The following ATRX variants were observed in gnomAD, a reference collection of about 807,000 sequenced individuals.
ATRX encodes chromatin remodeler ATRX.
In ATRX, 12 loss-of-function variants were observed where a neutral mutation model predicts 172.6. The observed-to-expected ratio is 0.07, with a 90% confidence interval of 0.04 to 0.11. ATRX has a LOEUF of 0.11. Ranked by LOEUF, ATRX falls within the 10% of genes least tolerant of loss-of-function variation. The pLI is 1.00. For synonymous variants in ATRX, 674 were observed against 594.7 expected (o/e 1.13, Z -1.94); for missense variants, 1,368 against 1,767.4 (o/e 0.77, Z 4.05).
At chrX:77,619,350 T>G (rs2067488336) in intron 20 of ATRX, among the ~76,000 whole-genome samples, 1 of 111,353 alleles carries the variant, frequency 9.0e-6, no homozygotes, top group Non-Finnish European at 1.9e-5. Context: ...AGAAAGGAGA[T>G]ACTAAGTCAA....
intron 9 of ATRX, among the ~76,000 whole-genome samples, chrX:77,677,047 G>A (rs2070911091): frequency 9.1e-6 from 1 of 109,657 alleles, no homozygotes; most frequent in South Asian, 4.0e-4. Context: ...ACTTGAACCT[G>A]GGAGGCGGAG....
intron 10 of ATRX, among the ~76,000 whole-genome samples, chrX:77,671,167 A>ATATATAT (rs1557129938): frequency 1.2e-3 from 19 of 15,719 alleles, no homozygotes; most frequent in African/African-American, 3.6e-3. Flanking sequence ...AAAAAAAAAA[A>ATATATAT]ATATATATAT....
chrX:77,575,046 C>G (rs1368417190), intron 27 of ATRX, among the ~76,000 whole-genome samples: 11 of 109,745 alleles, frequency 1.0e-4, no homozygotes, highest in Non-Finnish European at 1.7e-4. Flanking sequence ...ACTAAAATAC[C>G]AAGAGATTAA....
intron 1 of ATRX, among the ~76,000 whole-genome samples, chrX:77,730,186 G>C (rs1057454698): frequency 1.8e-5 from 2 of 111,395 alleles, no homozygotes; most frequent in Non-Finnish European, 3.8e-5. Flanking sequence ...TGCAGAAGTG[G>C]CTATACTAAT....
At chrX:77,509,332 G>A (rs1274135292) in intron 34 of ATRX, among the ~76,000 whole-genome samples, 2 of 111,786 alleles carry the variant, frequency 1.8e-5, no homozygotes, top group African/African-American at 6.5e-5. Context: ...CTACTATTTC[G>A]AGGTTGTTTA....
At chrX:77,518,765 T>C (rs2063134718) in intron 34 of ATRX, among the ~76,000 whole-genome samples, 1 of 111,237 alleles carries the variant, frequency 9.0e-6, no homozygotes, top group African/African-American at 3.2e-5. Context: ...ACTACAGAGC[T>C]ACAGTAACCA....
In ATRX at chrX:77,735,228, G is replaced by A. The variant is rs782360134; in HGVS notation, c.21-17985C>T. Among the ~76,000 whole-genome samples the A allele has an allele frequency of 1.1e-4, 12 of 112,231 alleles. No individual in the cohort carries two copies. In the East Asian group the frequency reaches 2.2e-3, roughly 21 times the overall value. On this transcript the variant is annotated intron_variant, in intron 1 of 34. Coordinates refer to ENST00000373344, the MANE Select transcript of ATRX (RefSeq NM_000489.6). The stretch of plus-strand genomic sequence containing the variant: ...TGTAATCTCAGCAGTTTGGGAGGCC[G>A]AGACGGCCAGACCACCTGAGGTCAG...
At chrX:77,652,448 G>T in intron 14 of ATRX, 95 bp from the exon 15 acceptor site, 9 of 775,210 alleles carry the variant, frequency 1.2e-5, no homozygotes, top group East Asian at 5.7e-5. Context: ...AAAGGTGGAA[G>T]AAAACATGCT....
chrX:77,589,988 A>G, intron 26 of ATRX, 48 bp from the exon 27 acceptor site: 1 of 997,634 alleles, frequency 1.0e-6, no homozygotes, highest in Non-Finnish European at 1.4e-6. Flanking sequence ...CCTAGTAAAG[A>G]TATCACTTCT....
intron 27 of ATRX, among the ~76,000 whole-genome samples, chrX:77,583,434 G>C (rs919824154): frequency 9.0e-6 from 1 of 110,579 alleles, no homozygotes; most frequent in Admixed American, 9.6e-5. Context: ...TGAAGCAGGA[G>C]AATCACTTGA....
At chrX:77,737,852 C>G (rs1557179964) in intron 1 of ATRX, among the ~76,000 whole-genome samples, 1 of 111,359 alleles carries the variant, frequency 9.0e-6, no homozygotes, top group Non-Finnish European at 1.9e-5. Context: ...TAAAAAGCAT[C>G]TCTTAGGGTA....
Position 77,506,419 on chromosome X carries a change from C to G in ATRX, c.*1932G>C, listed in dbSNP as rs1280660137. Reference sequence around the variant, plus strand: ...TGGTGAAAAAGATTTAGAAGGTTGCCTAAAATTTTCACATCTATGTCTTTG... The same window carrying G: ...TGGTGAAAAAGATTTAGAAGGTTGCGTAAAATTTTCACATCTATGTCTTTG... On this transcript the variant is annotated 3_prime_UTR_variant, in exon 35 of 35. Transcript: ENST00000373344. 40 of 172,590 alleles carry G rather than the reference C, an allele frequency of 2.3e-4. No individual in the cohort carries two copies. Among genetic ancestry groups the G allele is most frequent in the Non-Finnish European group, 3.9e-4 (35 of 90,523 alleles). 14.2% of individuals were successfully genotyped at this position (172,590 alleles called of 1,213,427 possible).
Position 77,574,356 on chromosome X carries a change from C to G in ATRX, c.6220G>C (p.Glu2074Gln), listed in dbSNP as rs2065530019. 3.4e-6 allele frequency: 4 copies of G among 1,185,902 alleles called. No individual in the cohort carries two copies. The East Asian group carries it at 1.2e-4, about 35-fold the overall frequency. ...DKDKPLIYKGEGKWLRNIDYY... is the reference protein window; with the variant it reads ...DKDKPLIYKGQGKWLRNIDYY... ...TCAATGTTTCGAAGCCACTTCCCCT[C>G]ACCTGAAAATTTAACAAAAGAACAC... The change falls in exon 28 of 35, where the codon GAG (glutamate) becomes CAG (glutamine). Residue 2074 changes from glutamate (E) to glutamine (Q), a missense_variant and splice_region_variant. Physicochemically the swap from Glu to Gln is conservative, Grantham distance 29 (BLOSUM62 2). Coordinates refer to ENST00000373344, the MANE Select transcript of ATRX (RefSeq NM_000489.6).
chrX:77,618,660 CA>C lies in ATRX; in HGVS notation c.5448+145del, dbSNP rs371149528. The C allele has an allele frequency of 6.7e-4, 366 of 543,777 alleles. 3 individuals carry two copies. The African/African-American group carries it at 8.0e-3, about 12-fold the overall frequency. 44.8% of individuals were successfully genotyped at this position (543,777 alleles called of 1,213,427 possible). On this transcript the variant is annotated intron_variant, in intron 21 of 34. Transcript: ENST00000373344. ...TGAATGCAGCAGAAATTTTTTAAGA[CA>C]ACGCAAGGAGATATAACTGTAAAAC...
At chrX:77,613,144 A>G (rs2148224742) in intron 22 of ATRX, among the ~76,000 whole-genome samples, 1 of 111,342 alleles carries the variant, frequency 9.0e-6, no homozygotes, top group African/African-American at 3.3e-5. Flanking sequence ...TGGTAATTCT[A>G]TGTCTAACTT....
intron 30 of ATRX, among the ~76,000 whole-genome samples, chrX:77,555,031 G>A (rs1199517322): frequency 5.4e-5 from 6 of 111,955 alleles, no homozygotes; most frequent in Non-Finnish European, 1.9e-5. Context: ...TGACTGAAAT[G>A]GGATGTCGGG....
intron 27 of ATRX, among the ~76,000 whole-genome samples, chrX:77,582,938 C>T (rs992556323): frequency 7.7e-4 from 86 of 111,747 alleles, no homozygotes; most frequent in African/African-American, 2.7e-3. Flanking sequence ...TAAGACAAAT[C>T]CTACTCAAAA....
intron 9 of ATRX, among the ~76,000 whole-genome samples, chrX:77,681,055 T>C (rs2071158649): frequency 9.0e-6 from 1 of 111,427 alleles, no homozygotes; most frequent in Non-Finnish European, 1.9e-5. Context: ...TTTAATGAGG[T>C]AAATTAAAAA....
At chrX:77,630,749 T>C (rs932722121) in intron 19 of ATRX, among the ~76,000 whole-genome samples, 2 of 111,617 alleles carry the variant, frequency 1.8e-5, no homozygotes, top group Admixed American at 1.9e-4. Flanking sequence ...AAATAGATCA[T>C]AAACATAAAT....
Sources: allele counts gnomAD v4.1 joint callset (sites outside exome capture counted in the v4.1 genomes callset), GRCh38; gene constraint gnomAD v4.1.1; transcripts MANE v1.5; gene names NCBI Gene and HGNC (gene_info 2026-07-23, HGNC 2026-07-21).